Variants in PTPRG observed in about 807,000 individuals in gnomAD.
PTPRG encodes the protein protein tyrosine phosphatase receptor type G.
PTPRG carries 102 observed loss-of-function variants against 165.3 expected under a neutral mutation model. The observed-to-expected ratio is 0.62, with a 90% CI of 0.53 to 0.73. The LOEUF (loss-of-function observed/expected upper bound fraction) is 0.73, where lower values mean the gene tolerates loss of function less well. Among genes scored for constraint, PTPRG ranks in the 30% least tolerant of loss-of-function variants. The probability of loss-of-function intolerance (pLI) is 0.00; values close to 1 mark genes in which losing one functional copy is unlikely to be tolerated. For synonymous variants in PTPRG, 675 were observed against 669.5 expected, an observed-to-expected ratio of 1.01 and a Z score of -0.13; for missense variants, 1,866 against 1,861.4, an observed-to-expected ratio of 1.00 and a Z score of -0.05.
intron 4 of PTPRG, among the ~76,000 whole-genome samples, chr3:62,037,932 A>G (rs1700002586): frequency 6.6e-6 from 1 of 152,148 alleles, no homozygotes; most frequent in Non-Finnish European, 1.5e-5. Flanking sequence ...TTCAAATATC[A>G]TCACACTGAG....
intron 1 of PTPRG, among the ~76,000 whole-genome samples, chr3:61,650,774 T>G (rs1036624927): frequency 6.6e-6 from 1 of 152,226 alleles, no homozygotes; most frequent in African/African-American, 2.4e-5. Context: ...AAACACTTAA[T>G]TGTTTAACTC....
At position 62,203,051 on chromosome 3, in the gene PTPRG, A is replaced by C; in HGVS notation, c.1378-122A>C. 3 of 1,471,526 alleles carry C rather than the reference A, an allele frequency of 2.0e-6. No homozygotes were observed. Among genetic ancestry groups the C allele is most frequent in the Non-Finnish European group, 2.7e-6 (3 of 1,107,748 alleles). 91.2% of individuals were successfully genotyped at this position (1,471,526 alleles called of 1,614,324 possible). On this transcript the variant is annotated intron_variant, in intron 11 of 29. Transcript: ENST00000474889. This position sits in a 1 kb window ranked among gnomAD's most constrained non-coding sequence, Gnocchi z 6.4. Reference sequence around the variant, plus strand: ...GCCATACATTGGAAAACTCCATAGCATAGATGAGTAAAATCCTCAGAGGGT... The same window carrying C: ...GCCATACATTGGAAAACTCCATAGCCTAGATGAGTAAAATCCTCAGAGGGT...
intron 2 of PTPRG, among the ~76,000 whole-genome samples, chr3:61,811,189 G>GA (rs2107209564): frequency 6.6e-6 from 1 of 152,140 alleles, no homozygotes; most frequent in South Asian, 2.1e-4. Context: ...GAATGTCATG[G>GA]AAGGCCCATG....
At chr3:62,069,506 C>T (rs1273299945) in intron 4 of PTPRG, among the ~76,000 whole-genome samples, 8 of 152,016 alleles carry the variant, frequency 5.3e-5, no homozygotes, top group African/African-American at 9.7e-5. Context: ...CAAAAAGTAA[C>T]GGAGTTGCAA....
chr3:61,963,697 T>G (rs1449135739), intron 2 of PTPRG, among the ~76,000 whole-genome samples: 2 of 152,190 alleles, frequency 1.3e-5, no homozygotes, highest in African/African-American at 4.8e-5. Context: ...TAATTTGAAC[T>G]GTAGAATATA....
intron 26 of PTPRG, among the ~76,000 whole-genome samples, chr3:62,278,195 G>A (rs889210649): frequency 2.3e-4 from 35 of 152,160 alleles, no homozygotes; most frequent in African/African-American, 8.2e-4. Context: ...TTTAACCTGA[G>A]TCATCTGTCT....
intron 1 of PTPRG, among the ~76,000 whole-genome samples, chr3:61,657,179 G>A (rs554124516): frequency 1.3e-5 from 2 of 152,122 alleles, no homozygotes; most frequent in Non-Finnish European, 2.9e-5. Flanking sequence ...TGTGGGGGTG[G>A]AGGGGAGCCA....
chr3:62,155,608 G>A (rs1704505759), intron 6 of PTPRG, among the ~76,000 whole-genome samples: 1 of 152,170 alleles, frequency 6.6e-6, no homozygotes, highest in Non-Finnish European at 1.5e-5. Context: ...TCAGAATAGT[G>A]CCTGGCATAT....
intron 1 of PTPRG, among the ~76,000 whole-genome samples, chr3:61,600,190 ATATGTGTG>A (rs1396579977): frequency 2.5e-5 from 3 of 118,582 alleles, no homozygotes; most frequent in South Asian, 2.7e-4. Flanking sequence ...ATATATATAT[ATATGTGTG>A]TGTGTGTGTG....
intron 17 of PTPRG, chr3:62,264,037 T>G (rs1701782597): frequency 6.6e-6 from 1 of 152,330 alleles, no homozygotes; most frequent in Non-Finnish European, 1.5e-5. Flanking sequence ...TCCCAGCTAC[T>G]CGGGAGGCTA....
Position 62,262,808 on chromosome 3 carries a change from G to A in PTPRG, c.2570G>A (p.Arg857His), listed in dbSNP as rs561653746. The A allele has an allele frequency of 6.7e-5, 108 of 1,612,598 alleles. No homozygotes were observed. Among genetic ancestry groups the A allele is most frequent in the Admixed American group, 6.5e-4 (39 of 59,896 alleles). Residue 857 changes from arginine (R) to histidine (H), a missense_variant, in exon 17 of 30, where the codon CGC becomes CAC. By Grantham distance (29) the Arg-to-His change is conservative. Coordinates refer to ENST00000474889, the MANE Select transcript of PTPRG (RefSeq NM_002841.4). ...GFSEDFEEVQRCTADMNITAE... is the reference protein window; with the variant it reads ...GFSEDFEEVQHCTADMNITAE... The stretch of plus-strand genomic sequence containing the variant: ...TGTTTTCTTCACTAGGAAGTCCAGC[G>A]CTGTACTGCTGATATGAACATCACT...
At chr3:62,105,046 A>G (rs1326377355) in intron 5 of PTPRG, among the ~76,000 whole-genome samples, 1 of 136,724 alleles carries the variant, frequency 7.3e-6, no homozygotes, top group Non-Finnish European at 1.6e-5. Flanking sequence ...TAAACAATAT[A>G]GTTCAGGCAA....
intron 4 of PTPRG, among the ~76,000 whole-genome samples, chr3:62,017,569 C>T (rs6796586): frequency 0.6 from 90,641 of 149,900 alleles, 27,694 homozygotes; most frequent in East Asian, 0.67. Context: ...GCGCCCACCA[C>T]CGCGCCCGGC....
intron 2 of PTPRG, among the ~76,000 whole-genome samples, chr3:61,889,966 A>G (rs1049045773): frequency 1.4e-4 from 22 of 152,226 alleles, no homozygotes; most frequent in African/African-American, 5.3e-4. Flanking sequence ...TCTGAAACAC[A>G]TGGAATTATT....
intron 1 of PTPRG, among the ~76,000 whole-genome samples, chr3:61,730,470 G>A (rs1247501422): frequency 6.6e-6 from 1 of 152,174 alleles, no homozygotes; most frequent in African/African-American, 2.4e-5. Flanking sequence ...TAACAGCGGA[G>A]GTTCATTGTT....
At chr3:62,139,581 C>T in intron 6 of PTPRG, among the ~76,000 whole-genome samples, 1 of 152,202 alleles carries the variant, frequency 6.6e-6, no homozygotes, top group East Asian at 1.9e-4. Flanking sequence ...TCCAAGAAAG[C>T]TATCAGTGAA....
At chr3:62,180,639 C>T (rs369392560) in intron 8 of PTPRG, among the ~76,000 whole-genome samples, 7 of 152,320 alleles carry the variant, frequency 4.6e-5, no homozygotes, top group Admixed American at 2.6e-4. Flanking sequence ...TTCCACCCAG[C>T]GTCCAAGATG....
intron 28 of PTPRG, among the ~76,000 whole-genome samples, chr3:62,285,955 C>T (rs1039299591): frequency 1.3e-5 from 2 of 152,176 alleles, no homozygotes; most frequent in African/African-American, 4.8e-5. Flanking sequence ...CATACCCATT[C>T]TGTCATGAGT....
intron 6 of PTPRG, among the ~76,000 whole-genome samples, chr3:62,134,016 T>C (rs1169327283): frequency 6.6e-6 from 1 of 152,124 alleles, no homozygotes; most frequent in Non-Finnish European, 1.5e-5. Flanking sequence ...CATTGTTTCT[T>C]CCCAGTTCTC....
Sources: allele counts gnomAD v4.1 joint callset (sites outside exome capture counted in the v4.1 genomes callset), GRCh38; gene constraint gnomAD v4.1.1; non-coding constraint Gnocchi (gnomAD v3.1); transcripts MANE v1.5; gene names NCBI Gene and HGNC (gene_info 2026-07-23, HGNC 2026-07-21).